BMP6: variants seen among roughly 807,000 people sequenced by gnomAD.
BMP6 encodes VG-1-R.
A neutral mutation model predicts 54.1 loss-of-function variants in BMP6; 17 were observed. The observed-to-expected ratio is 0.31, with a 90% confidence interval of 0.22 to 0.47. The LOEUF (loss-of-function observed/expected upper bound fraction) is 0.47, where lower values mean the gene tolerates loss of function less well. Among genes scored for constraint, BMP6 ranks in the 20% least tolerant of loss-of-function variants. The probability of loss-of-function intolerance (pLI) is 1.00; values close to 1 mark genes in which losing one functional copy is unlikely to be tolerated. For synonymous variants in BMP6, 328 were observed against 291.2 expected (o/e 1.13, Z -1.28); for missense variants, 720 against 690.4 (o/e 1.04, Z -0.48).
rs1373836799 is a variant in BMP6, at chr6:7,727,156, G to A, written c.201G>A (p.Leu67=). The change falls in exon 1 of 7, where the codon CTG becomes CTA. Residue 67 remains leucine (L), a synonymous_variant. Coordinates refer to ENST00000283147, the MANE Select transcript of BMP6 (RefSeq NM_001718.6). Reference sequence around the variant, plus strand: ...CGCCGCAGTCCTCCTCGGGCTTCCTGTACCGGCGGCTCAAGACGCAGGAGA... The same window carrying A: ...CGCCGCAGTCCTCCTCGGGCTTCCTATACCGGCGGCTCAAGACGCAGGAGA... ...PPSPQSSSGF[L]YRRLKTQEKR... 3.2e-6 allele frequency: 5 copies of A among 1,585,764 alleles called. No homozygotes were observed. The highest frequency in any genetic ancestry group is 4.3e-6 in the Non-Finnish European group (5 of 1,167,630).
chr6:7,728,510 C>G (rs1380525520), intron 1 of BMP6, among the ~76,000 whole-genome samples: 1 of 152,154 alleles, frequency 6.6e-6, no homozygotes, highest in Admixed American at 6.5e-5. Flanking sequence ...GCCCTTTCTC[C>G]CCCCTCCCAC....
At chr6:7,818,629 A>G (rs752932624) in intron 1 of BMP6, among the ~76,000 whole-genome samples, 7 of 152,196 alleles carry the variant, frequency 4.6e-5, no homozygotes, top group Non-Finnish European at 1.0e-4. Context: ...AAGTGCTTCT[A>G]GCTGTCTCCA....
intron 1 of BMP6, among the ~76,000 whole-genome samples, chr6:7,739,190 A>G (rs1057383932): frequency 6.6e-6 from 1 of 152,152 alleles, no homozygotes; most frequent in Non-Finnish European, 1.5e-5. Flanking sequence ...CCCTGTCAGC[A>G]TTTTGTTTCT....
At chr6:7,845,583 A>G (rs542824695) in intron 2 of BMP6, among the ~76,000 whole-genome samples, 24 of 152,362 alleles carry the variant, frequency 1.6e-4, no homozygotes, top group African/African-American at 5.8e-4. Flanking sequence ...TTGTGATCAG[A>G]TAACTCCATA....
intron 1 of BMP6, among the ~76,000 whole-genome samples, chr6:7,782,279 C>T (rs1227603051): frequency 7.0e-6 from 1 of 142,794 alleles, no homozygotes. Context: ...GAGATTGTAA[C>T]TGGGGCATGC....
intron 1 of BMP6, among the ~76,000 whole-genome samples, chr6:7,800,971 T>C (rs1758261580): frequency 6.6e-6 from 1 of 151,908 alleles, no homozygotes; most frequent in Non-Finnish European, 1.5e-5. Flanking sequence ...AGTGCCACCA[T>C]GTGTACTTCC....
intron 1 of BMP6, among the ~76,000 whole-genome samples, chr6:7,780,020 G>C (rs1055441878): frequency 7.2e-5 from 11 of 152,082 alleles, no homozygotes; most frequent in African/African-American, 2.7e-4. Context: ...TTACTCCATG[G>C]GCTGTGTGGT....
chr6:7,742,846 A>G (rs1221958505), intron 1 of BMP6, among the ~76,000 whole-genome samples: 1 of 152,146 alleles, frequency 6.6e-6, no homozygotes, highest in Non-Finnish European at 1.5e-5. Context: ...GTTTAAAATT[A>G]AACAACCCTT....
At chr6:7,872,406 G>A (rs150688534) in intron 4 of BMP6, among the ~76,000 whole-genome samples, 4 of 151,992 alleles carry the variant, frequency 2.6e-5, no homozygotes, top group South Asian at 2.1e-4. Flanking sequence ...ATATTTATAC[G>A]TTCTTTGCCA....
rs532674910 is a variant in BMP6, at chr6:7,785,175, A to T, written c.664+57556A>T. On this transcript the variant is annotated intron_variant, in intron 1 of 6. Coordinates refer to ENST00000283147, the MANE Select transcript of BMP6 (RefSeq NM_001718.6). ...CGCTTTTAGCATTTTATAAAAAGTG[A>T]CTAGTACTTGTCTTCTACCCACTAG... Among the ~76,000 whole-genome samples the T allele has an allele frequency of 2.6e-5, 4 of 152,346 alleles. No homozygotes were observed. In the East Asian group the frequency reaches 7.7e-4, roughly 29 times the overall value.
At chr6:7,867,061 G>A (rs570579884) in intron 4 of BMP6, among the ~76,000 whole-genome samples, 4 of 152,194 alleles carry the variant, frequency 2.6e-5, no homozygotes, top group Admixed American at 6.5e-5. Flanking sequence ...TAGTAGAGAC[G>A]GAGTTTCACC....
intron 1 of BMP6, among the ~76,000 whole-genome samples, chr6:7,841,014 G>A (rs992315896): frequency 3.3e-5 from 5 of 152,172 alleles, no homozygotes; most frequent in African/African-American, 4.8e-5. Flanking sequence ...TCCAAGCTCC[G>A]AGGACCTGGA....
chr6:7,727,178 G>A lies in BMP6; in HGVS notation c.223G>A (p.Glu75Lys), dbSNP rs1393823461. The stretch of plus-strand genomic sequence containing the variant: ...CCTGTACCGGCGGCTCAAGACGCAG[G>A]AGAAGCGGGAGATGCAGAAGGAGAT... ...GFLYRRLKTQ[E>K]KREMQKEILS... The change falls in exon 1 of 7, where the codon GAG becomes AAG. Residue 75 changes from glutamate (E) to lysine (K), a missense_variant. Coordinates refer to ENST00000283147, the MANE Select transcript of BMP6 (RefSeq NM_001718.6). 2 of 1,599,204 alleles carry A rather than the reference G, an allele frequency of 1.3e-6. No homozygotes were observed. Among genetic ancestry groups the A allele is most frequent in the South Asian group, 1.1e-5 (1 of 89,716 alleles).
intron 1 of BMP6, among the ~76,000 whole-genome samples, chr6:7,770,642 C>T (rs907704543): frequency 2.0e-5 from 3 of 152,176 alleles, no homozygotes; most frequent in Admixed American, 6.5e-5. Context: ...AAAAGCGCTC[C>T]TTGTTTTCTG....
intron 2 of BMP6, among the ~76,000 whole-genome samples, chr6:7,853,242 G>C (rs938004536): frequency 2.0e-5 from 3 of 152,082 alleles, no homozygotes; most frequent in African/African-American, 7.2e-5. Context: ...TAGTGGGAAT[G>C]TTAGTTTGAT....
chr6:7,832,024 C>T (rs1758800764), intron 1 of BMP6, among the ~76,000 whole-genome samples: 1 of 152,084 alleles, frequency 6.6e-6, no homozygotes, highest in Admixed American at 6.5e-5. Flanking sequence ...AGGCTTGCAG[C>T]CCAGCAGGTT....
At chr6:7,831,747 G>A (rs528263182) in intron 1 of BMP6, among the ~76,000 whole-genome samples, 1 of 152,332 alleles carries the variant, frequency 6.6e-6, no homozygotes, top group Admixed American at 6.5e-5. Context: ...CCAGACAGAT[G>A]TGTTCAGCAG....
intron 1 of BMP6, among the ~76,000 whole-genome samples, chr6:7,843,330 A>G (rs1242269009): frequency 6.6e-6 from 1 of 151,894 alleles, no homozygotes. Flanking sequence ...AGTTTCAGAA[A>G]TTCTTTTTAA....
At chr6:7,746,680 G>A (rs1757351503) in intron 1 of BMP6, among the ~76,000 whole-genome samples, 1 of 152,052 alleles carries the variant, frequency 6.6e-6, no homozygotes, top group East Asian at 1.9e-4. Context: ...GACTTAACCC[G>A]ATCCTCCTGG....
Sources: allele counts gnomAD v4.1 joint callset (sites outside exome capture counted in the v4.1 genomes callset), GRCh38; gene constraint gnomAD v4.1.1; transcripts MANE v1.5; gene names NCBI Gene and HGNC (gene_info 2026-07-23, HGNC 2026-07-21).